Variants in UBE2E2 observed in about 807,000 individuals in gnomAD.
UBE2E2 encodes the protein ubiquitin-conjugating enzyme E2 E2.
In UBE2E2, 6 loss-of-function variants were observed where a neutral mutation model predicts 24.7. That is an observed-to-expected ratio of 0.24 (90% confidence interval 0.13 to 0.48). UBE2E2 has a LOEUF of 0.48. Ranked by LOEUF, UBE2E2 falls within the 20% of genes least tolerant of loss-of-function variation. The pLI is 0.99. For synonymous variants in UBE2E2, 104 were observed against 83.6 expected (o/e 1.24, Z -1.33); for missense variants, 169 against 245.0 (o/e 0.69, Z 2.07).
At position 23,280,809 on chromosome 3, in the gene UBE2E2, G is replaced by C. The variant is rs138483662; in HGVS notation, c.227+63497G>C. 1.3e-5 allele frequency among the ~76,000 whole-genome samples: 2 copies of C among 152,050 alleles called. No individual in the cohort carries two copies. The highest frequency in any genetic ancestry group is 2.9e-5 in the Non-Finnish European group (2 of 68,008). ...TTTTCCATGAATGTTGCCTTCTCTCGTGTTTCACATTCAGAATTTTCTTAG... is the reference window on the plus strand; with the variant it reads ...TTTTCCATGAATGTTGCCTTCTCTCCTGTTTCACATTCAGAATTTTCTTAG... On this transcript the variant is annotated intron_variant, in intron 3 of 5. Transcript: ENST00000396703. The surrounding 1 kb of genome is among the most constrained non-coding windows in gnomAD (Gnocchi z 4.3).
intron 3 of UBE2E2, among the ~76,000 whole-genome samples, chr3:23,408,611 A>G (rs1697424574): frequency 6.6e-6 from 1 of 152,134 alleles, no homozygotes; most frequent in East Asian, 1.9e-4. Flanking sequence ...CCTGAATTTG[A>G]AGTGAACTTT....
intron 3 of UBE2E2, among the ~76,000 whole-genome samples, chr3:23,358,895 C>G (rs994222699): frequency 4.6e-5 from 7 of 152,148 alleles, no homozygotes; most frequent in African/African-American, 1.7e-4. Context: ...ATTACCTTGT[C>G]AAAATTAACA....
chr3:23,287,805 T>C (rs1698659210), intron 3 of UBE2E2, among the ~76,000 whole-genome samples: 1 of 151,650 alleles, frequency 6.6e-6, no homozygotes, highest in South Asian at 2.1e-4. Flanking sequence ...CTGATTTTAT[T>C]CATTTGGGTG....
chr3:23,556,071 T>G (rs1436131471), intron 5 of UBE2E2, among the ~76,000 whole-genome samples: 1 of 151,928 alleles, frequency 6.6e-6, no homozygotes, highest in Non-Finnish European at 1.5e-5. Flanking sequence ...TTAATTTGTT[T>G]CACTGTAGTA....
chr3:23,332,494 GA>G (rs1695083924), intron 3 of UBE2E2, among the ~76,000 whole-genome samples: 1 of 151,984 alleles, frequency 6.6e-6, no homozygotes, highest in African/African-American at 2.4e-5. Flanking sequence ...AATCACTGGG[GA>G]AAAACATTTA....
intron 3 of UBE2E2, among the ~76,000 whole-genome samples, chr3:23,417,974 T>C (rs1359478239): frequency 1.1e-4 from 17 of 152,154 alleles, no homozygotes; most frequent in Admixed American, 1.1e-3. Context: ...TTCAAGCCAG[T>C]GGATCTTAGC....
intron 3 of UBE2E2, among the ~76,000 whole-genome samples, chr3:23,412,687 TATTC>T (rs1212829631): frequency 2.6e-5 from 4 of 152,142 alleles, no homozygotes; most frequent in African/African-American, 9.7e-5. Flanking sequence ...CTCATGCCTT[TATTC>T]AAGTACACTG....
chr3:23,575,966 C>T (rs1408339925), intron 5 of UBE2E2, among the ~76,000 whole-genome samples: 1 of 152,026 alleles, frequency 6.6e-6, no homozygotes, highest in East Asian at 1.9e-4. Context: ...TACATTGTTA[C>T]AGAAGAAAAT....
chr3:23,221,659 G>A lies in UBE2E2; in HGVS notation c.227+4347G>A, dbSNP rs549300881. Among the ~76,000 whole-genome samples, 10 of 151,108 alleles carry A rather than the reference G, an allele frequency of 6.6e-5. No individual in the cohort carries two copies. In the South Asian group the frequency reaches 8.4e-4, roughly 13 times the overall value. On this transcript the variant is annotated intron_variant, in intron 3 of 5. Coordinates refer to ENST00000396703, the MANE Select transcript of UBE2E2 (RefSeq NM_152653.4). ...AGTACTTCTTTTTTTTTTCTGAGAC[G>A]GAGTTTCGCTCTTGTCGCCCAAACT...
At chr3:23,282,594 T>C (rs914412398) in intron 3 of UBE2E2, among the ~76,000 whole-genome samples, 3 of 152,228 alleles carry the variant, frequency 2.0e-5, no homozygotes, top group African/African-American at 7.2e-5. Context: ...TACATTTGAT[T>C]GTCCTGTGCC....
At chr3:23,496,404 C>T (rs1699603449) in intron 3 of UBE2E2, among the ~76,000 whole-genome samples, 1 of 152,142 alleles carries the variant, frequency 6.6e-6, no homozygotes, top group Non-Finnish European at 1.5e-5. Flanking sequence ...GCTTCTCCAA[C>T]CTCTGCTCCT....
rs555234102 is a variant in UBE2E2, at chr3:23,387,910, A to G, written c.228-111698A>G. Among the ~76,000 whole-genome samples, 9 of 152,296 alleles carry G rather than the reference A, an allele frequency of 5.9e-5. No homozygotes were observed. In the East Asian group the frequency reaches 7.7e-4, roughly 13 times the overall value. On this transcript the variant is annotated intron_variant, in intron 3 of 5. Transcript: ENST00000396703. ...GGGGTCACATCTAGAATTGTCTTTC[A>G]ATGTGATCTAAAAATAACATACTGC...
At chr3:23,272,392 C>T (rs1258683350) in intron 3 of UBE2E2, among the ~76,000 whole-genome samples, 1 of 150,356 alleles carries the variant, frequency 6.7e-6, no homozygotes, top group Non-Finnish European at 1.5e-5. Context: ...TCTCCTTCCA[C>T]ACCTCCCCGC....
intron 3 of UBE2E2, among the ~76,000 whole-genome samples, chr3:23,306,053 A>G (rs1389769450): frequency 1.3e-5 from 2 of 152,206 alleles, no homozygotes; most frequent in African/African-American, 4.8e-5. Context: ...GAACCTTTAC[A>G]AGTTAAGTGG....
At chr3:23,318,709 A>G (rs547402978) in intron 3 of UBE2E2, among the ~76,000 whole-genome samples, 99 of 152,284 alleles carry the variant, frequency 6.5e-4, no homozygotes, top group African/African-American at 2.3e-3. Flanking sequence ...CGAGAACAGT[A>G]TGGGGGAAAC....
intron 3 of UBE2E2, among the ~76,000 whole-genome samples, chr3:23,391,592 TAATA>T (rs1208226453): frequency 3.3e-5 from 5 of 152,216 alleles, no homozygotes; most frequent in East Asian, 1.9e-4. Context: ...CTAAATAAAT[TAATA>T]AATAAATTAC....
chr3:23,247,839 A>G (rs1697455203), intron 3 of UBE2E2, among the ~76,000 whole-genome samples: 1 of 152,114 alleles, frequency 6.6e-6, no homozygotes, highest in African/African-American at 2.4e-5. Context: ...CCTTTTATTA[A>G]AGAGACTAGC....
At chr3:23,483,500 C>T (rs1699298848) in intron 3 of UBE2E2, among the ~76,000 whole-genome samples, 3 of 152,160 alleles carry the variant, frequency 2.0e-5, no homozygotes, top group South Asian at 2.1e-4. Flanking sequence ...TGAAAGGTGT[C>T]TGGCTTAATG....
At chr3:23,307,110 G>A (rs753150220) in intron 3 of UBE2E2, among the ~76,000 whole-genome samples, 1 of 152,144 alleles carries the variant, frequency 6.6e-6, no homozygotes, top group Non-Finnish European at 1.5e-5. Context: ...TGCTAACTTG[G>A]AGATGTTTTG....
Sources: gnomAD v4.1 joint callset for allele counts (sites outside exome capture counted in the v4.1 genomes callset) on GRCh38, gnomAD v4.1.1 for gene constraint, Gnocchi (gnomAD v3.1) non-coding constraint, MANE v1.5 for transcripts, NCBI Gene and HGNC (gene_info 2026-07-23, HGNC 2026-07-21) for gene names.